RYR2: variants seen among roughly 807,000 people sequenced by gnomAD.
The protein encoded by RYR2 is ryanodine receptor 2, also known as cardiac muscle ryanodine receptor-calcium release channel.
RYR2 carries 227 observed loss-of-function variants against 601.1 expected under a neutral mutation model. The ratio of observed to expected loss-of-function variants is 0.38; its 90% CI spans 0.34 to 0.42. The LOEUF (loss-of-function observed/expected upper bound fraction) is 0.42, where lower values mean the gene tolerates loss of function less well. Among genes scored for constraint, RYR2 ranks in the 10% least tolerant of loss-of-function variants. The pLI, the probability that RYR2 is intolerant of heterozygous loss-of-function variation, is 1.00. For missense variants in RYR2, 4,646 were observed against 6,156.5 expected, an observed-to-expected ratio of 0.75 and a Z score of 8.21; for synonymous variants, 2,223 against 2,175.1, an observed-to-expected ratio of 1.02 and a Z score of -0.61.
In RYR2 at chr1:237,193,041, G is replaced by A. The variant is rs1010224466; in HGVS notation, c.49-77456G>A. ...TGCCTTTAAAAAATATCTTGAATGC[G>A]GCCAGGCGTGGTGGCTCATGCCTGT... On this transcript the variant is annotated intron_variant, in intron 1 of 104. Coordinates refer to ENST00000366574, the MANE Select transcript of RYR2 (RefSeq NM_001035.3). Among the ~76,000 whole-genome samples the A allele has an allele frequency of 2.0e-5, 3 of 151,758 alleles. 1 individual carries two copies. Among genetic ancestry groups the A allele is most frequent in the African/African-American group, 7.3e-5 (3 of 41,318 alleles).
At chr1:237,338,884 G>A (rs1697495783) in intron 3 of RYR2, among the ~76,000 whole-genome samples, 1 of 152,164 alleles carries the variant, frequency 6.6e-6, no homozygotes, top group Non-Finnish European at 1.5e-5. Flanking sequence ...TGGAGGAAAA[G>A]GAGTTGATGA....
At chr1:237,459,463 G>A (rs1351180628) in intron 16 of RYR2, among the ~76,000 whole-genome samples, 1 of 152,140 alleles carries the variant, frequency 6.6e-6, no homozygotes, top group Non-Finnish European at 1.5e-5. Context: ...AAAGTGTTAC[G>A]TGCAGAAAGA....
At chr1:237,285,424 G>C (rs147664559) in intron 2 of RYR2, among the ~76,000 whole-genome samples, 33 of 152,230 alleles carry the variant, frequency 2.2e-4, no homozygotes, top group African/African-American at 7.9e-4. Flanking sequence ...GTTGGATTCA[G>C]TTAGTATTTT....
chr1:237,700,795 C>T (rs968536221), intron 65 of RYR2, among the ~76,000 whole-genome samples: 8 of 152,132 alleles, frequency 5.3e-5, no homozygotes, highest in Non-Finnish European at 1.2e-4. Flanking sequence ...AACCATATAA[C>T]ATGCAACAGT....
intron 1 of RYR2, among the ~76,000 whole-genome samples, chr1:237,225,544 G>C (rs1002644672): frequency 1.3e-5 from 2 of 152,134 alleles, no homozygotes; most frequent in African/African-American, 4.8e-5. Flanking sequence ...AGTTATGTGG[G>C]TCCCTCCCAC....
At chr1:237,703,359 C>T (rs958344282) in intron 66 of RYR2, among the ~76,000 whole-genome samples, 7 of 151,482 alleles carry the variant, frequency 4.6e-5, no homozygotes, top group African/African-American at 1.7e-4. Flanking sequence ...AATGCACTTT[C>T]CTGATTACCA....
chr1:237,194,858 G>C (rs1272401376), intron 1 of RYR2, among the ~76,000 whole-genome samples: 1 of 152,182 alleles, frequency 6.6e-6, no homozygotes, highest in Admixed American at 6.5e-5. Context: ...CTGAAGAATA[G>C]TGGGAGGAAA....
Position 237,435,003 on chromosome 1 carries a change from T to C in RYR2, c.1006-6316T>C, listed in dbSNP as rs551291138. 5.9e-5 allele frequency among the ~76,000 whole-genome samples: 9 copies of C among 152,298 alleles called. No individual in the cohort carries two copies. In the South Asian group the frequency reaches 1.5e-3, roughly 25 times the overall value. On this transcript the variant is annotated intron_variant, in intron 12 of 104. Coordinates refer to ENST00000366574, the MANE Select transcript of RYR2 (RefSeq NM_001035.3). ...GTTGCCCAGGCTGGTCTTGAACTCCTGAGCTCAAGTGATCTGCCTGCCTCG... is the reference window on the plus strand; with the variant it reads ...GTTGCCCAGGCTGGTCTTGAACTCCCGAGCTCAAGTGATCTGCCTGCCTCG...
Position 237,347,194 on chromosome 1 carries a change from G to A in RYR2, c.274-8771G>A, listed in dbSNP as rs777258236. Among the ~76,000 whole-genome samples, 9 of 152,030 alleles carry A rather than the reference G, an allele frequency of 5.9e-5. No homozygotes were observed. In the Middle Eastern group the frequency reaches 0.01, roughly 174 times the overall value. ...AAAAACTAGCTGGACGTGGTGGTGCGCACCTGTAGTCCCAGCTACTCAGGA... is the reference window on the plus strand; with the variant it reads ...AAAAACTAGCTGGACGTGGTGGTGCACACCTGTAGTCCCAGCTACTCAGGA... On this transcript the variant is annotated intron_variant, in intron 3 of 104. Coordinates refer to ENST00000366574, the MANE Select transcript of RYR2 (RefSeq NM_001035.3).
chr1:237,385,500 T>C (rs567512423), intron 8 of RYR2, among the ~76,000 whole-genome samples: 61 of 152,336 alleles, frequency 4.0e-4, no homozygotes, highest in African/African-American at 1.4e-3. Context: ...GGGTGGAGAA[T>C]GTGTACTATT....
intron 102 of RYR2, among the ~76,000 whole-genome samples, chr1:237,829,584 A>G (rs1222869399): frequency 6.6e-6 from 1 of 152,184 alleles, no homozygotes; most frequent in East Asian, 1.9e-4. Context: ...TTTAAGAGAC[A>G]TCATTGGAGT....
chr1:237,608,214 G>C (rs187120617), intron 35 of RYR2, among the ~76,000 whole-genome samples: 3 of 152,262 alleles, frequency 2.0e-5, no homozygotes, highest in African/African-American at 7.2e-5. Flanking sequence ...TAGGCTGAGG[G>C]CAGAACTCTC....
intron 16 of RYR2, among the ~76,000 whole-genome samples, chr1:237,464,793 C>T (rs1233599952): frequency 1.3e-5 from 2 of 152,078 alleles, no homozygotes; most frequent in Non-Finnish European, 2.9e-5. Flanking sequence ...ACATTGTGGG[C>T]CTCTATCCTT....
intron 1 of RYR2, among the ~76,000 whole-genome samples, chr1:237,247,853 A>G (rs1687012235): frequency 6.6e-6 from 1 of 152,198 alleles, no homozygotes; most frequent in South Asian, 2.1e-4. Context: ...TAAAACTGAA[A>G]AGTAACACTG....
At chr1:237,558,619 G>A (rs556687844) in intron 27 of RYR2, among the ~76,000 whole-genome samples, 1 of 152,208 alleles carries the variant, frequency 6.6e-6, no homozygotes, top group African/African-American at 2.4e-5. Context: ...AAAGTTTACT[G>A]TACTTCTTAG....
chr1:237,521,668 C>T (rs141218009), intron 24 of RYR2, among the ~76,000 whole-genome samples: 165 of 151,776 alleles, frequency 1.1e-3, no homozygotes, highest in African/African-American at 2.1e-3. Flanking sequence ...TGCAGCGAGC[C>T]GAGATCATGC....
chr1:237,408,223 C>T (rs1044181075), intron 10 of RYR2, among the ~76,000 whole-genome samples: 1 of 151,698 alleles, frequency 6.6e-6, no homozygotes, highest in African/African-American at 2.4e-5. Context: ...TCATTTTGAC[C>T]TAAATTTAGT....
chr1:237,216,695 T>A (rs756784761), intron 1 of RYR2, among the ~76,000 whole-genome samples: 1 of 150,610 alleles, frequency 6.6e-6, no homozygotes, highest in Non-Finnish European at 1.5e-5. Flanking sequence ...GAGATCGTAC[T>A]ATTGCACTCC....
Position 237,454,493 on chromosome 1 carries a change from C to T in RYR2, c.1395C>T (p.Pro465=), listed in dbSNP as rs111990043. The change falls in exon 15 of 105, where the codon CCC becomes CCT. Residue 465 remains proline, a synonymous_variant. Coordinates refer to ENST00000366574, the MANE Select transcript of RYR2 (RefSeq NM_001035.3). ...AGGATCTCATTGGCTACTTCCACCC[C>T]CCAGATGAGCATTTAGAGCATGAAG... ...SLQDLIGYFH[P]PDEHLEHEDK... The T allele has an allele frequency of 9.3e-6, 15 of 1,613,426 alleles. No homozygotes were observed. The highest frequency in any genetic ancestry group is 1.1e-5 in the South Asian group (1 of 91,070).
Sources: allele counts gnomAD v4.1 joint callset (sites outside exome capture counted in the v4.1 genomes callset), GRCh38; gene constraint gnomAD v4.1.1; transcripts MANE v1.5; gene names NCBI Gene and HGNC (gene_info 2026-07-23, HGNC 2026-07-21).